DOCK8: variants seen among roughly 807,000 people sequenced by gnomAD.
DOCK8 encodes dedicator of cytokinesis protein 8.
A neutral mutation model predicts 245.6 loss-of-function variants in DOCK8; 141 were observed. That is an observed-to-expected ratio of 0.57 (90% CI 0.50 to 0.66). The LOEUF (loss-of-function observed/expected upper bound fraction) is 0.66. DOCK8 is among the 30% of genes least tolerant of loss of function. The pLI, the probability that DOCK8 is intolerant of heterozygous loss-of-function variation, is 0.00. For missense variants in DOCK8, 2,965 were observed against 2,603.4 expected, an observed-to-expected ratio of 1.14 and a Z score of -3.02; for synonymous variants, 1,168 against 970.2, an observed-to-expected ratio of 1.20 and a Z score of -3.79.
chr9:357,759 T>G (rs1427208566), intron 14 of DOCK8, among the ~76,000 whole-genome samples: 6 of 152,196 alleles, frequency 3.9e-5, no homozygotes, highest in Admixed American at 1.3e-4. Flanking sequence ...AGTGCCTCCT[T>G]CTAATCTTGC....
intron 42 of DOCK8, among the ~76,000 whole-genome samples, chr9:442,383 A>T (rs796151033): frequency 1.4e-4 from 21 of 152,340 alleles, no homozygotes; most frequent in African/African-American, 5.0e-4. Context: ...CATGAAGTTT[A>T]GCATCTTGAC....
chr9:361,951 T>A (rs2052751806), intron 14 of DOCK8, among the ~76,000 whole-genome samples: 1 of 152,212 alleles, frequency 6.6e-6, no homozygotes, highest in African/African-American at 2.4e-5. Flanking sequence ...CACTGAGTAT[T>A]GGCCATTTCA....
rs1489407273 is a variant in DOCK8, at chr9:383,067, C to T, written c.2778+382C>T. On this transcript the variant is annotated intron_variant, in intron 22 of 47. Coordinates refer to ENST00000432829, the MANE Select transcript of DOCK8 (RefSeq NM_203447.4). ...TTGTTTCTTTAATACCTACCTCTTACGTTCATTAACATCCACAGATTGATT... is the reference window on the plus strand; with the variant it reads ...TTGTTTCTTTAATACCTACCTCTTATGTTCATTAACATCCACAGATTGATT... Among the ~76,000 whole-genome samples, 4 of 42,374 alleles carry T rather than the reference C, an allele frequency of 9.4e-5. No individual in the cohort carries two copies. The Admixed American group carries it at 1.3e-3, about 14-fold the overall frequency. The allele number at this position is 42,374 out of a possible 152,430, so 27.8% of individuals were successfully genotyped here.
chr9:434,270 T>C (rs889773656), intron 38 of DOCK8, among the ~76,000 whole-genome samples: 49 of 152,224 alleles, frequency 3.2e-4, no homozygotes, highest in African/African-American at 1.2e-3. Context: ...TTAACTGTTA[T>C]AGGAATTATT....
At chr9:314,880 TG>T (rs2050277052) in intron 6 of DOCK8, among the ~76,000 whole-genome samples, 2 of 152,208 alleles carry the variant, frequency 1.3e-5, no homozygotes, top group South Asian at 2.1e-4. Flanking sequence ...ATCCAAGTTA[TG>T]GCTGAGTCTA....
chr9:406,407 A>C (rs934803822), intron 27 of DOCK8, among the ~76,000 whole-genome samples: 1 of 151,634 alleles, frequency 6.6e-6, no homozygotes, highest in Admixed American at 6.6e-5. Context: ...GAATTGCTTG[A>C]ACCCGGGAGA....
At chr9:286,015 G>C (rs191415848) in intron 2 of DOCK8, among the ~76,000 whole-genome samples, 3 of 152,158 alleles carry the variant, frequency 2.0e-5, no homozygotes, top group African/African-American at 7.2e-5. Flanking sequence ...AAGAAACACT[G>C]TGCCTAAACA....
At chr9:257,321 T>G (rs189651677) in intron 1 of DOCK8, among the ~76,000 whole-genome samples, 1 of 152,286 alleles carries the variant, frequency 6.6e-6, no homozygotes, top group East Asian at 1.9e-4. Flanking sequence ...TCAAATTAAC[T>G]AGATAGTCAG....
chr9:422,207 A>T, intron 33 of DOCK8, 72 bp downstream of exon 33: 2 of 1,183,048 alleles, frequency 1.7e-6, no homozygotes, highest in South Asian at 1.2e-5. Flanking sequence ...TGCTTGTATT[A>T]CTGAAACAAC....
At chr9:420,050 G>C in intron 30 of DOCK8, 1 of 355,164 alleles carries the variant, frequency 2.8e-6, no homozygotes, top group Non-Finnish European at 5.4e-6. Flanking sequence ...TTAGCAGCAT[G>C]AAAGCCTCTT....
At chr9:270,406 G>A (rs1464256802) in intron 1 of DOCK8, among the ~76,000 whole-genome samples, 1 of 152,154 alleles carries the variant, frequency 6.6e-6, no homozygotes, top group Non-Finnish European at 1.5e-5. Flanking sequence ...TTTGATTTGT[G>A]TTTCTGCCTA....
chr9:414,150 AACAG>A (rs943874692), intron 28 of DOCK8, among the ~76,000 whole-genome samples: 3 of 151,226 alleles, frequency 2.0e-5, no homozygotes, highest in Admixed American at 1.3e-4. Context: ...AAAAAAGTTA[AACAG>A]ACAGTTACCA....
Position 332,381 on chromosome 9 carries a change from A to G in DOCK8, c.1045-17A>G, listed in dbSNP as rs754140228. 6 of 1,571,232 alleles carry G rather than the reference A, an allele frequency of 3.8e-6. No homozygotes were observed. Among genetic ancestry groups the G allele is most frequent in the South Asian group, 3.3e-5 (3 of 90,172 alleles). On this transcript the variant is annotated splice_polypyrimidine_tract_variant and intron_variant, in intron 9 of 47. Coordinates refer to ENST00000432829, the MANE Select transcript of DOCK8 (RefSeq NM_203447.4). ...TGTAATTTATGTGCCTTATTTTAAT[A>G]TTCTTTTTATTGGTAGATTGAAAAA...
At chr9:375,188 G>T (rs1227319266) in intron 18 of DOCK8, among the ~76,000 whole-genome samples, 1 of 152,166 alleles carries the variant, frequency 6.6e-6, no homozygotes, top group East Asian at 1.9e-4. Flanking sequence ...GACTGCTTCA[G>T]ATAGCTTTAA....
upstream of DOCK8, chr9:214,615 C>T: frequency 3.1e-6 from 5 of 1,613,702 alleles, no homozygotes; most frequent in Non-Finnish European, 4.2e-6. Context: ...GAGCTTCCGG[C>T]CTGCGCGCAG....
intron 1 of DOCK8, among the ~76,000 whole-genome samples, chr9:219,059 C>A (rs1020225374): frequency 2.6e-5 from 4 of 152,192 alleles, no homozygotes; most frequent in African/African-American, 9.7e-5. Context: ...ATCATTATAC[C>A]ATGCTGCCAT....
chr9:441,408 C>G lies in DOCK8; in HGVS notation c.5346C>G (p.Ile1782Met). The G allele has an allele frequency of 6.2e-7, 1 of 1,614,168 alleles. No homozygotes were observed. The highest frequency in any genetic ancestry group is 8.5e-7 in the Non-Finnish European group (1 of 1,180,022). Reference sequence around the variant, plus strand: ...AGCTGCAGAGAGCCTTCGACAGCATCGTTAACAAGGTAGCCGGGGAGCCTG... The same window carrying G: ...AGCTGCAGAGAGCCTTCGACAGCATGGTTAACAAGGTAGCCGGGGAGCCTG... ...HSKLQRAFDS[I>M]VNKDHKRMFG... The change falls in exon 41 of 48, where the codon ATC becomes ATG. Residue 1782 changes from isoleucine to methionine, a missense_variant. Transcript: ENST00000432829.
chr9:302,013 A>G (rs879918759), intron 4 of DOCK8, among the ~76,000 whole-genome samples: 5 of 152,096 alleles, frequency 3.3e-5, no homozygotes, highest in Non-Finnish European at 7.4e-5. Context: ...TCCAAAATTC[A>G]TGTGGAACCA....
intron 4 of DOCK8, among the ~76,000 whole-genome samples, chr9:294,090 A>C (rs2049157243): frequency 6.6e-6 from 1 of 152,256 alleles, no homozygotes; most frequent in Admixed American, 6.5e-5. Context: ...CTTATATATT[A>C]CAAACATTTC....
Sources: gnomAD v4.1 joint callset for allele counts (sites outside exome capture counted in the v4.1 genomes callset) on GRCh38, gnomAD v4.1.1 for gene constraint, MANE v1.5 for transcripts, NCBI Gene and HGNC (gene_info 2026-07-23, HGNC 2026-07-21) for gene names.